SYT16: variants seen among roughly 807,000 people sequenced by gnomAD.
The protein encoded by SYT16 is synaptotagmin-16.
Under a neutral mutation model 61.4 loss-of-function variants are expected in SYT16, and 42 were observed. That is an observed-to-expected ratio of 0.68 (90% CI 0.53 to 0.89). SYT16 has a LOEUF of 0.89. SYT16 is among the 40% of genes least tolerant of loss of function. The pLI, the probability that SYT16 is intolerant of heterozygous loss-of-function variation, is 0.00. For synonymous variants in SYT16, 314 were observed against 302.3 expected (o/e 1.04, Z -0.40); for missense variants, 804 against 807.3 (o/e 1.00, Z 0.05).
intron 2 of SYT16, among the ~76,000 whole-genome samples, chr14:61,982,886 C>T (rs1384477160): frequency 2.6e-5 from 4 of 152,152 alleles, no homozygotes; most frequent in African/African-American, 7.2e-5. Context: ...AGAAATCTCT[C>T]TCCAAGATAC....
intron 3 of SYT16, among the ~76,000 whole-genome samples, chr14:62,045,268 CAT>C (rs1232106224): frequency 6.6e-6 from 1 of 152,078 alleles, no homozygotes; most frequent in Non-Finnish European, 1.5e-5. Context: ...ACATTATTCT[CAT>C]ATAATTATAT....
At chr14:61,823,574 CAA>C (rs55935256) in intron 1 of SYT16, among the ~76,000 whole-genome samples, 740 of 71,020 alleles carry the variant, frequency 0.01, 11 homozygotes, top group South Asian at 0.059. Context: ...ACTAAAAATA[CAA>C]AAAAAAAAAA....
Position 62,104,905 on chromosome 14 carries a change from A to T in SYT16, c.*4198A>T, listed in dbSNP as rs997469933. Reference sequence around the variant, plus strand: ...GCATAGAGCCGGGCATGTAGTTAGCATTCCGTAGTTCCTCCTTACAGTCAT... The same window carrying T: ...GCATAGAGCCGGGCATGTAGTTAGCTTTCCGTAGTTCCTCCTTACAGTCAT... On this transcript the variant is annotated 3_prime_UTR_variant, in exon 8 of 8. Coordinates refer to ENST00000683842, the MANE Select transcript of SYT16 (RefSeq NM_001367656.1). 2.6e-5 allele frequency: 4 copies of T among 152,224 alleles called. No individual in the cohort carries two copies. Among genetic ancestry groups the T allele is most frequent in the African/African-American group, 9.6e-5 (4 of 41,468 alleles). 9.4% of individuals were successfully genotyped at this position (152,224 alleles called of 1,614,324 possible).
intron 1 of SYT16, among the ~76,000 whole-genome samples, chr14:61,881,556 C>T (rs903199486): frequency 2.0e-5 from 3 of 152,162 alleles, no homozygotes; most frequent in African/African-American, 7.2e-5. Context: ...ATTTTCATGG[C>T]TTCAATTTTT....
chr14:62,014,451 C>A (rs933066632), intron 3 of SYT16, among the ~76,000 whole-genome samples: 2 of 151,618 alleles, frequency 1.3e-5, no homozygotes, highest in Non-Finnish European at 2.9e-5. Flanking sequence ...GATATGCATC[C>A]TCTTCTGCTT....
chr14:61,858,065 G>C (rs751373063), intron 1 of SYT16, among the ~76,000 whole-genome samples: 26 of 122,286 alleles, frequency 2.1e-4, no homozygotes, highest in Non-Finnish European at 2.9e-4. Context: ...ACTTCACAGT[G>C]TAAGCATGTA....
chr14:62,088,641 AT>A (rs1465648854), intron 7 of SYT16, among the ~76,000 whole-genome samples: 2 of 152,216 alleles, frequency 1.3e-5, no homozygotes, highest in African/African-American at 4.8e-5. Context: ...GTACTGTAAA[AT>A]ATTAAACTCT....
rs140769816 is a variant in SYT16 at position 62,087,382 on chromosome 14, C to T, written c.1624+2997C>T. ...GCAGAGTCCACCACAGGGTCGCCGC[C>T]GGCCAGGGGAACTTGTACCACTGAG... is the stretch of plus-strand genomic sequence containing the variant. On this transcript the variant is annotated intron_variant, in intron 7 of 7. Coordinates refer to ENST00000683842, the MANE Select transcript of SYT16 (RefSeq NM_001367656.1). Among the ~76,000 whole-genome samples the T allele has an allele frequency of 6.0e-4, 91 of 152,304 alleles. No homozygotes were observed. The East Asian group carries it at 0.016, about 26-fold the overall frequency.
At chr14:61,820,469 G>GTTGTTTTTTT (rs2045578707) in intron 1 of SYT16, among the ~76,000 whole-genome samples, 1 of 61,082 alleles carries the variant, frequency 1.6e-5, no homozygotes, top group African/African-American at 6.9e-5. Flanking sequence ...CCTCTTCAGA[G>GTTGTTTTTTT]TTTTTTTTTT....
chr14:62,045,002 G>T (rs1210932054), intron 3 of SYT16, among the ~76,000 whole-genome samples: 1 of 152,144 alleles, frequency 6.6e-6, no homozygotes, highest in African/African-American at 2.4e-5. Context: ...GCTGGGCGTG[G>T]TGGCACGCAC....
At chr14:61,831,808 G>T (rs540195545) in intron 1 of SYT16, 1 of 269,660 alleles carries the variant, frequency 3.7e-6, no homozygotes, top group East Asian at 8.4e-5. Flanking sequence ...AAATAGGCAT[G>T]GAGTTATAGT....
In SYT16 at chr14:62,106,701, G is replaced by A. The variant is rs1442714660; in HGVS notation, c.*5994G>A. 1 of 152,154 alleles carries A rather than the reference G, an allele frequency of 6.6e-6. No homozygotes were observed. The highest frequency in any genetic ancestry group is 6.5e-5 in the Admixed American group (1 of 15,272). 9.4% of individuals were successfully genotyped at this position (152,154 alleles called of 1,614,324 possible). A position where few individuals can be genotyped will look rare whatever the true frequency, so the allele number is the denominator to read the frequency against. ...GGGTTTTGTTTAGGGCTTTGGGGATGCCTGCAGGCTCAGGGGGAGTTTCCT... is the reference window on the plus strand; with the variant it reads ...GGGTTTTGTTTAGGGCTTTGGGGATACCTGCAGGCTCAGGGGGAGTTTCCT... On this transcript the variant is annotated 3_prime_UTR_variant, in exon 8 of 8. Coordinates refer to ENST00000683842, the MANE Select transcript of SYT16 (RefSeq NM_001367656.1).
chr14:61,938,026 A>AACACACACACACAC (rs3071213), intron 1 of SYT16, among the ~76,000 whole-genome samples: 27,840 of 135,386 alleles, frequency 0.21, 3,275 homozygotes, highest in East Asian at 0.32. Context: ...CCTACCCCGC[A>AACACACACACACAC]ACACACACAC....
chr14:62,060,114 T>C lies in SYT16; in HGVS notation c.524-9489T>C, dbSNP rs189938949. ...ACTACTCTAGGTCCTTTATGTTTTC[T>C]TAAACACTTCAGAGTCTACTTGTCA... On this transcript the variant is annotated intron_variant, in intron 3 of 7. Transcript: ENST00000683842. Among the ~76,000 whole-genome samples the C allele has an allele frequency of 3.9e-5, 6 of 152,250 alleles. No homozygotes were observed. The East Asian group carries it at 1.2e-3, about 29-fold the overall frequency.
At chr14:62,064,299 A>G (rs1175615179) in intron 3 of SYT16, among the ~76,000 whole-genome samples, 1 of 140,608 alleles carries the variant, frequency 7.1e-6, no homozygotes, top group Non-Finnish European at 1.5e-5. Flanking sequence ...AGTAGCTGGG[A>G]TCTTGCAAAT....
intron 1 of SYT16, among the ~76,000 whole-genome samples, chr14:61,923,105 T>A (rs1429410952): frequency 6.6e-6 from 1 of 151,906 alleles, no homozygotes; most frequent in African/African-American, 2.4e-5. Context: ...TTTCTGCTCA[T>A]TATGGCAGGC....
intron 3 of SYT16, among the ~76,000 whole-genome samples, chr14:62,018,337 C>T (rs530040710): frequency 1.5e-4 from 16 of 104,000 alleles, no homozygotes; most frequent in African/African-American, 4.8e-4. Flanking sequence ...GAGACTGTCT[C>T]GCTCTTGTTA....
intron 1 of SYT16, among the ~76,000 whole-genome samples, chr14:61,862,607 C>G (rs1313862204): frequency 6.6e-6 from 1 of 152,162 alleles, no homozygotes; most frequent in Non-Finnish European, 1.5e-5. Flanking sequence ...TTTGTTAACA[C>G]TGAGGAACCT....
rs571203372 is a variant in SYT16 at position 61,845,521 on chromosome 14, T to G, written c.-325+32711T>G. Among the ~76,000 whole-genome samples the G allele has an allele frequency of 2.1e-3, 324 of 152,362 alleles. 1 individual carries two copies. Among genetic ancestry groups the G allele is most frequent in the African/African-American group, 7.5e-3 (314 of 41,596 alleles). On this transcript the variant is annotated intron_variant, in intron 1 of 7. Transcript: ENST00000683842. ...GCAGCCACTAATGATCCTTTGAATTTCTGCAGTATCAGTTGTAATGTCTTC... is the reference window on the plus strand; with the variant it reads ...GCAGCCACTAATGATCCTTTGAATTGCTGCAGTATCAGTTGTAATGTCTTC...
Sources: allele counts gnomAD v4.1 joint callset (sites outside exome capture counted in the v4.1 genomes callset), GRCh38; gene constraint gnomAD v4.1.1; transcripts MANE v1.5; gene names NCBI Gene and HGNC (gene_info 2026-07-23, HGNC 2026-07-21).